CLCN2: variants seen among roughly 807,000 people sequenced by gnomAD.
CLCN2 encodes chloride voltage-gated channel 2, also known as chloride channel protein 2.
In CLCN2, 72 loss-of-function variants were observed where a neutral mutation model predicts 108.3. The ratio of observed to expected loss-of-function variants is 0.66; its 90% CI spans 0.55 to 0.81. CLCN2 has a LOEUF of 0.81. Among genes scored for constraint, CLCN2 ranks in the 30% least tolerant of loss-of-function variants. CLCN2 has a pLI of 0.00. For synonymous variants in CLCN2, 471 were observed against 467.1 expected (o/e 1.01, Z -0.11); for missense variants, 1,048 against 1,205.2 (o/e 0.87, Z 1.93).
In CLCN2 at chr3:184,355,296, G is replaced by C; in HGVS notation, c.1326+78C>G. ...TCCCATGGCACTGTGGAGAGGCTTC[G>C]AGGAGTGAGCACTGCGTGGCAGGTG... On this transcript the variant is annotated intron_variant, in intron 12 of 23. Transcript: ENST00000265593. The surrounding 1 kb of genome is among the most constrained non-coding windows in gnomAD (Gnocchi z 6.3). The C allele has an allele frequency of 2.7e-6, 4 of 1,491,390 alleles. No homozygotes were observed. Among genetic ancestry groups the C allele is most frequent in the Non-Finnish European group, 3.7e-6 (4 of 1,069,906 alleles). The allele number at this position is 1,491,390 out of a possible 1,614,324, so 92.4% of individuals were successfully genotyped here. A position where few individuals can be genotyped will look rare whatever the true frequency, so the allele number is the denominator to read the frequency against.
rs372284438 is a variant in CLCN2 at position 184,360,011 on chromosome 3, T to C, written c.64-880A>G. Among the ~76,000 whole-genome samples, 25 of 144,082 alleles carry C rather than the reference T, an allele frequency of 1.7e-4. No homozygotes were observed. The East Asian group carries it at 2.1e-3, about 12-fold the overall frequency. 94.5% of individuals were successfully genotyped at this position (144,082 alleles called of 152,430 possible). Reference sequence around the variant, plus strand: ...TGGGGGGGAGGGAGGGAGGGAAAGATAGAGACAGAGAGAGGGTGAGAGATA... The same window carrying C: ...TGGGGGGGAGGGAGGGAGGGAAAGACAGAGACAGAGAGAGGGTGAGAGATA... On this transcript the variant is annotated intron_variant, in intron 1 of 23. Coordinates refer to ENST00000265593, the MANE Select transcript of CLCN2 (RefSeq NM_004366.6).
At chr3:184,352,924 G>A (rs1218762101) in intron 18 of CLCN2, 109 bp downstream of exon 18, 2 of 1,526,532 alleles carry the variant, frequency 1.3e-6, no homozygotes, top group Admixed American at 1.7e-5. Context: ...GGCCCATGTG[G>A]GCAGCCTCTT....
rs1252133068 is a variant in CLCN2 at position 184,355,112 on chromosome 3, T to TG, written c.1327-140dup. ...CACCCCGTAACCCTCCTAGCTACCC[T>TG]GGGACCCCCAGGCCTCCCAGGTGAT... On this transcript the variant is annotated intron_variant, in intron 12 of 23. Coordinates refer to ENST00000265593, the MANE Select transcript of CLCN2 (RefSeq NM_004366.6). The surrounding 1 kb of genome is among the most constrained non-coding windows in gnomAD (Gnocchi z 6.3). 3.3e-6 allele frequency: 3 copies of TG among 898,126 alleles called. No homozygotes were observed. Among genetic ancestry groups the TG allele is most frequent in the Admixed American group, 4.1e-5 (2 of 48,924 alleles). The allele number at this position is 898,126 out of a possible 1,614,324, so 55.6% of individuals were successfully genotyped here. A position where few individuals can be genotyped will look rare whatever the true frequency, so the allele number is the denominator to read the frequency against.
At chr3:184,354,847 G>C in intron 13 of CLCN2, 57 bp downstream of exon 13, 2 of 1,567,410 alleles carry the variant, frequency 1.3e-6, no homozygotes, top group South Asian at 2.2e-5. Flanking sequence ...TTGGCTGGGG[G>C]GGTGGCCAGA....
At chr3:184,350,056 T>C (rs1727979306) in intron 22 of CLCN2, among the ~76,000 whole-genome samples, 1 of 152,244 alleles carries the variant, frequency 6.6e-6, no homozygotes, top group South Asian at 2.1e-4. Context: ...ATTCTAATCT[T>C]TTATGTTCTT....
chr3:184,348,812 C>G (rs1356351075), intron 22 of CLCN2: 2 of 152,222 alleles, frequency 1.3e-5, no homozygotes, highest in Admixed American at 1.3e-4. Flanking sequence ...GGTTTGCAAA[C>G]CACTTGCCCC....
At chr3:184,352,412 G>T (rs529385901) in intron 20 of CLCN2, 31 bp downstream of exon 20, 7 of 1,612,520 alleles carry the variant, frequency 4.3e-6, no homozygotes, top group Non-Finnish European at 5.9e-6. Flanking sequence ...GCCCGGTGCC[G>T]CCGAGATGCT....
rs761740491 is a variant in CLCN2, at chr3:184,346,847, C to T, written c.2503-47G>A. 2 of 1,612,846 alleles carry T rather than the reference C, an allele frequency of 1.2e-6. No individual in the cohort carries two copies. The highest frequency in any genetic ancestry group is 1.7e-6 in the Non-Finnish European group (2 of 1,178,836). On this transcript the variant is annotated intron_variant, in intron 23 of 23. Coordinates refer to ENST00000265593, the MANE Select transcript of CLCN2 (RefSeq NM_004366.6). This position sits in a 1 kb window ranked among gnomAD's most constrained non-coding sequence, Gnocchi z 6.0. ...ATGTCTGGACCCAGATGTCAGACTC[C>T]TCCCCGCCTTCCTCCCCAGGTGAGC...
In CLCN2 at chr3:184,358,664, G is replaced by T; in HGVS notation, c.352+18C>A. ...GAGGTTTATTCCCAGTCCTCCCCCT[G>T]CCAGCTGTCACCCTCACCTTGCAGA... On this transcript the variant is annotated intron_variant, in intron 3 of 23. Coordinates refer to ENST00000265593, the MANE Select transcript of CLCN2 (RefSeq NM_004366.6). The T allele has an allele frequency of 6.4e-7, 1 of 1,563,268 alleles. No homozygotes were observed. Among genetic ancestry groups the T allele is most frequent in the Non-Finnish European group, 8.7e-7 (1 of 1,153,000 alleles).
rs1162136114 is a variant in CLCN2 at position 184,361,029 on chromosome 3, G to A, written c.63+388C>T. Among the ~76,000 whole-genome samples, 2 of 152,252 alleles carry A rather than the reference G, an allele frequency of 1.3e-5. No individual in the cohort carries two copies. The highest frequency in any genetic ancestry group is 4.8e-5 in the African/African-American group (2 of 41,472). On this transcript the variant is annotated intron_variant, in intron 1 of 23. Coordinates refer to ENST00000265593, the MANE Select transcript of CLCN2 (RefSeq NM_004366.6). This position sits in a 1 kb window ranked among gnomAD's most constrained non-coding sequence, Gnocchi z 6.6. The stretch of plus-strand genomic sequence containing the variant: ...GTGCCATGCACATGGCAGGGACACA[G>A]AGAATGTCTTGGGTGGTGGAGATAG...
chr3:184,349,477 GC>G (rs1413215970), intron 22 of CLCN2: 2 of 152,146 alleles, frequency 1.3e-5, no homozygotes, highest in African/African-American at 4.8e-5. Context: ...TCACTATGTT[GC>G]CCAGGTTGGA....
chr3:184,351,238 C>T (rs993578851), intron 22 of CLCN2, among the ~76,000 whole-genome samples: 4 of 152,054 alleles, frequency 2.6e-5, no homozygotes, highest in African/African-American at 7.3e-5. Flanking sequence ...AACCCCCCAA[C>T]GCTTCAAGGC....
At position 184,352,302 on chromosome 3, in the gene CLCN2, G is replaced by T. The variant is rs763225113; in HGVS notation, c.2301C>A (p.Ser767Arg). The T allele has an allele frequency of 6.2e-7, 1 of 1,613,394 alleles. No homozygotes were observed. The highest frequency in any genetic ancestry group is 8.5e-7 in the Non-Finnish European group (1 of 1,180,030). ...ASDADLEGEM[S>R]PEEILEWEEQ... ...TCCAGTGGCACCTTACCTCTTCAGG[G>T]CTCATCTCGCCTTCCAGGTCCGCGT... The change falls in exon 21 of 24, where the codon AGC becomes AGA. Residue 767 changes from serine to arginine, a missense_variant. Ser to Arg is a moderately radical substitution (Grantham distance 110). Transcript: ENST00000265593.
chr3:184,352,932 C>T, intron 18 of CLCN2, 101 bp downstream of exon 18: 1 of 1,528,962 alleles, frequency 6.5e-7, no homozygotes, highest in South Asian at 1.1e-5. Context: ...TGGGCAGCCT[C>T]TTCCAGCTGG....
chr3:184,352,959 A>G, intron 18 of CLCN2, 74 bp downstream of exon 18: 2 of 1,527,150 alleles, frequency 1.3e-6, no homozygotes, highest in East Asian at 4.5e-5. Flanking sequence ...CCCCAGCAAC[A>G]GGGCTGGGCA....
chr3:184,349,308 CCGGCTACT>C (rs1403010743), intron 22 of CLCN2: 1 of 152,114 alleles, frequency 6.6e-6, no homozygotes, highest in Admixed American at 6.6e-5. Context: ...TCCTGTAATC[CCGGCTACT>C]CGGGAGGGCT....
chr3:184,359,764 C>T (rs1368084041), intron 1 of CLCN2, among the ~76,000 whole-genome samples: 2 of 152,160 alleles, frequency 1.3e-5, no homozygotes, highest in Non-Finnish European at 2.9e-5. Flanking sequence ...GTGGCCTCAG[C>T]CCCATTCTGG....
Position 184,361,501 on chromosome 3 carries a change from C to G in CLCN2, c.-22G>C. 1 of 1,608,762 alleles carries G rather than the reference C, an allele frequency of 6.2e-7. No individual in the cohort carries two copies. The highest frequency in any genetic ancestry group is 1.1e-5 in the South Asian group (1 of 91,056). ...CCATCTCCGCGCACTGCCCTCTCGC[C>G]TCCCTCGGCGGTTCCGGCTCTGTCC... On this transcript the variant is annotated 5_prime_UTR_variant, in exon 1 of 24. Transcript: ENST00000265593. This position sits in a 1 kb window ranked among gnomAD's most constrained non-coding sequence, Gnocchi z 6.6.
intron 15 of CLCN2, 110 bp from the exon 16 acceptor site, chr3:184,353,905 G>A: frequency 6.6e-7 from 1 of 1,520,708 alleles, no homozygotes; most frequent in South Asian, 1.2e-5. Context: ...ATGGGGACGG[G>A]AGCTAAGGAC....
Sources: gnomAD v4.1 joint callset for allele counts (sites outside exome capture counted in the v4.1 genomes callset) on GRCh38, gnomAD v4.1.1 for gene constraint, Gnocchi (gnomAD v3.1) non-coding constraint, MANE v1.5 for transcripts, NCBI Gene and HGNC (gene_info 2026-07-23, HGNC 2026-07-21) for gene names.